RIMS2: variants seen among roughly 807,000 people sequenced by gnomAD.
The protein encoded by RIMS2 is regulating synaptic membrane exocytosis protein 2.
A neutral mutation model predicts 174.4 loss-of-function variants in RIMS2; 59 were observed. The observed-to-expected ratio is 0.34, with a 90% CI of 0.27 to 0.42. RIMS2 has a LOEUF of 0.42. Ranked by LOEUF, RIMS2 falls within the 10% of genes least tolerant of loss-of-function variation. The probability of loss-of-function intolerance (pLI) is 1.00; values close to 1 mark genes in which losing one functional copy is unlikely to be tolerated. For missense variants in RIMS2, 1,620 were observed against 1,666.3 expected, an observed-to-expected ratio of 0.97 and a Z score of 0.48; for synonymous variants, 606 against 572.5, an observed-to-expected ratio of 1.06 and a Z score of -0.84.
At chr8:104,065,019 A>G (rs1192300900) in intron 19 of RIMS2, among the ~76,000 whole-genome samples, 4 of 152,050 alleles carry the variant, frequency 2.6e-5, no homozygotes, top group African/African-American at 9.7e-5. Flanking sequence ...AGATAAACTT[A>G]CTCTCTAAAC....
chr8:103,518,509 A>G (rs796111563), intron 1 of RIMS2, among the ~76,000 whole-genome samples: 1 of 152,198 alleles, frequency 6.6e-6, no homozygotes, highest in African/African-American at 2.4e-5. Context: ...GAAAGCAGGT[A>G]TCTATATATC....
At chr8:103,538,378 T>C (rs1303152784) in intron 1 of RIMS2, among the ~76,000 whole-genome samples, 1 of 152,168 alleles carries the variant, frequency 6.6e-6, no homozygotes, top group Non-Finnish European at 1.5e-5. Flanking sequence ...CGGTATTTGG[T>C]TACATGAGTA....
At chr8:104,163,273 T>C (rs921151903) in intron 19 of RIMS2, among the ~76,000 whole-genome samples, 1 of 152,178 alleles carries the variant, frequency 6.6e-6, no homozygotes, top group African/African-American at 2.4e-5. Context: ...TTCACTGCCA[T>C]ATAAACTTTT....
At chr8:103,756,366 T>C (rs1399831950) in intron 2 of RIMS2, among the ~76,000 whole-genome samples, 3 of 147,378 alleles carry the variant, frequency 2.0e-5, no homozygotes, top group African/African-American at 7.7e-5. Context: ...CTTGGGAGAG[T>C]TTTTTGTTGT....
exon 21 of RIMS2, chr8:104,248,740 G>A: frequency 6.2e-7 from 1 of 1,613,342 alleles, no homozygotes; most frequent in South Asian, 1.1e-5. Context: ...CTGATAGCCA[G>A]TTCAGTGATT....
At chr8:103,743,299 T>G (rs2097777999) in intron 2 of RIMS2, among the ~76,000 whole-genome samples, 1 of 152,204 alleles carries the variant, frequency 6.6e-6, no homozygotes, top group Non-Finnish European at 1.5e-5. Flanking sequence ...TTGACTACAA[T>G]GAATACTTTA....
intron 3 of RIMS2, among the ~76,000 whole-genome samples, chr8:103,856,007 A>G (rs2099025659): frequency 2.0e-5 from 3 of 152,174 alleles, no homozygotes; most frequent in Admixed American, 6.6e-5. Context: ...TCGTAGGCCA[A>G]GAAGAACTTG....
At chr8:103,901,955 AAAC>A (rs2073232404) in intron 4 of RIMS2, among the ~76,000 whole-genome samples, 1 of 152,152 alleles carries the variant, frequency 6.6e-6, no homozygotes, top group South Asian at 2.1e-4. Context: ...TAGCAGCTTA[AAAC>A]AACAACACAT....
chr8:103,586,480 A>G (rs2093927164), intron 1 of RIMS2, among the ~76,000 whole-genome samples: 3 of 152,146 alleles, frequency 2.0e-5, no homozygotes, highest in African/African-American at 4.8e-5. Context: ...AAATTAAACA[A>G]TGTGCTTTGA....
chr8:103,615,656 C>G (rs564307417), intron 1 of RIMS2, among the ~76,000 whole-genome samples: 1 of 152,006 alleles, frequency 6.6e-6, no homozygotes, highest in East Asian at 1.9e-4. Context: ...GAGAGAACAT[C>G]CAAATAAACA....
intron 1 of RIMS2, among the ~76,000 whole-genome samples, chr8:103,627,985 C>G: frequency 6.6e-6 from 1 of 152,124 alleles, no homozygotes; most frequent in Non-Finnish European, 1.5e-5. Flanking sequence ...GATTCAGGCT[C>G]TCCAGAGTTA....
chr8:103,759,564 C>CAAAAAAAAAAAAAAAAAA (rs35946104), intron 2 of RIMS2, among the ~76,000 whole-genome samples: 15 of 70,010 alleles, frequency 2.1e-4, no homozygotes, highest in African/African-American at 6.1e-4. Flanking sequence ...GACTCCGTCT[C>CAAAAAAAAAAAAAAAAAA]AAAAAAAAAA....
rs59348302 is a variant in RIMS2 at position 103,734,014 on chromosome 8, C to CTTTT, written c.388-32191_388-32188dup. Among the ~76,000 whole-genome samples, 102 of 85,710 alleles carry CTTTT rather than the reference C, an allele frequency of 1.2e-3. 2 individuals are homozygous for CTTTT. Among genetic ancestry groups the CTTTT allele is most frequent in the African/African-American group, 4.5e-3 (83 of 18,576 alleles). The allele number at this position is 85,710 out of a possible 152,430, so 56.2% of individuals were successfully genotyped here. A position where few individuals can be genotyped will look rare whatever the true frequency, so the allele number is the denominator to read the frequency against. ...CTTGCTTTACCTCTCCTAAAAGCTT[C>CTTTT]TTTTTTTTTTTTTTTTTTTTTTTTT... On this transcript the variant is annotated intron_variant, in intron 2 of 23. Coordinates refer to ENST00000504942, the Ensembl canonical transcript of RIMS2.
At chr8:103,660,770 A>C (rs1238775326) in intron 1 of RIMS2, among the ~76,000 whole-genome samples, 1 of 152,226 alleles carries the variant, frequency 6.6e-6, no homozygotes, top group Non-Finnish European at 1.5e-5. Flanking sequence ...TGTGTGGCTC[A>C]AGGCAGGGAT....
intron 14 of RIMS2, among the ~76,000 whole-genome samples, chr8:103,957,819 C>T (rs1294629124): frequency 6.6e-6 from 1 of 152,130 alleles, no homozygotes; most frequent in Non-Finnish European, 1.5e-5. Context: ...TATCACTAAT[C>T]ATTAGGGCAA....
chr8:104,049,551 G>A (rs1422234098), intron 19 of RIMS2, among the ~76,000 whole-genome samples: 1 of 152,152 alleles, frequency 6.6e-6, no homozygotes, highest in Admixed American at 6.5e-5. Flanking sequence ...AATAAAACAA[G>A]AAATTAGAAG....
At chr8:104,232,043 C>CGTT (rs201150896) in intron 19 of RIMS2, among the ~76,000 whole-genome samples, 6 of 60,580 alleles carry the variant, frequency 9.9e-5, no homozygotes, top group Admixed American at 1.8e-4. Context: ...TATTGCCTTG[C>CGTT]ATTATTATTT....
chr8:103,712,009 A>G (rs1223863959), intron 2 of RIMS2, among the ~76,000 whole-genome samples: 1 of 149,944 alleles, frequency 6.7e-6, no homozygotes, highest in Non-Finnish European at 1.5e-5. Flanking sequence ...TTTTTTTTTT[A>G]GAGATGTGGT....
At chr8:103,859,346 T>G (rs569028241) in intron 3 of RIMS2, among the ~76,000 whole-genome samples, 10 of 152,134 alleles carry the variant, frequency 6.6e-5, no homozygotes, top group Admixed American at 5.9e-4. Context: ...AGAAGCTTTC[T>G]TCTCCCTTTT....
Sources: allele counts gnomAD v4.1 joint callset (sites outside exome capture counted in the v4.1 genomes callset), GRCh38; gene constraint gnomAD v4.1.1; transcripts MANE v1.5; gene names NCBI Gene and HGNC (gene_info 2026-07-23, HGNC 2026-07-21).